MICAL3: variants seen among roughly 807,000 people sequenced by gnomAD.
The protein encoded by MICAL3 is [F-actin]-monooxygenase MICAL3.
MICAL3 carries 62 observed loss-of-function variants against 207.4 expected under a neutral mutation model. The ratio of observed to expected loss-of-function variants is 0.30; its 90% CI spans 0.24 to 0.37. The LOEUF (loss-of-function observed/expected upper bound fraction) is 0.37, where lower values mean the gene tolerates loss of function less well. Ranked by LOEUF, MICAL3 falls within the 10% of genes least tolerant of loss-of-function variation. The probability of loss-of-function intolerance (pLI) is 1.00; values close to 1 mark genes in which losing one functional copy is unlikely to be tolerated. For synonymous variants in MICAL3, 1,077 were observed against 1,069.3 expected, an observed-to-expected ratio of 1.01 and a Z score of -0.14; for missense variants, 2,368 against 2,635.6, an observed-to-expected ratio of 0.90 and a Z score of 2.22.
intron 1 of MICAL3, among the ~76,000 whole-genome samples, chr22:17,963,258 A>G (rs13057203): frequency 0.2 from 30,372 of 151,896 alleles, 3,190 homozygotes; most frequent in Middle Eastern, 0.27. Flanking sequence ...GACTACAGGC[A>G]TGTGTCATCA....
intron 19 of MICAL3, among the ~76,000 whole-genome samples, chr22:17,856,267 T>C (rs1019982013): frequency 6.6e-6 from 1 of 152,186 alleles, no homozygotes; most frequent in African/African-American, 2.4e-5. Context: ...CAATTTTTAT[T>C]TGGGGAAAGT....
rs978245578 is a variant in MICAL3, at chr22:17,823,145, T to C, written c.3194-85A>G. On this transcript the variant is annotated intron_variant, in intron 22 of 31. Transcript: ENST00000441493. The stretch of plus-strand genomic sequence containing the variant: ...CTTCACGGGGGCGAGAGGTACTGCC[T>C]TTCTCAGGGCGCTGCCATGCAGGCC... 1.1e-5 allele frequency: 10 copies of C among 897,492 alleles called. No homozygotes were observed. In the African/African-American group the frequency reaches 1.5e-4, roughly 13 times the overall value. The allele number at this position is 897,492 out of a possible 1,614,324, so 55.6% of individuals were successfully genotyped here.
chr22:17,847,132 TC>T (rs1277603473), intron 19 of MICAL3, among the ~76,000 whole-genome samples: 4 of 152,112 alleles, frequency 2.6e-5, no homozygotes, highest in African/African-American at 9.7e-5. Flanking sequence ...CAGCTCCTCT[TC>T]CTCCTCCCTG....
chr22:17,956,727 G>A (rs964232886), intron 1 of MICAL3, among the ~76,000 whole-genome samples: 1 of 152,212 alleles, frequency 6.6e-6, no homozygotes, highest in Non-Finnish European at 1.5e-5. Context: ...CAGCCAGCCT[G>A]TGTCTGGAGG....
chr22:17,856,910 C>T (rs953257223), intron 19 of MICAL3, among the ~76,000 whole-genome samples: 2 of 152,096 alleles, frequency 1.3e-5, no homozygotes, highest in Non-Finnish European at 2.9e-5. Context: ...CGTGAGCCAC[C>T]GCGCCCGGCC....
At chr22:17,928,564 T>C (rs1457861107) in intron 1 of MICAL3, among the ~76,000 whole-genome samples, 6 of 152,188 alleles carry the variant, frequency 3.9e-5, no homozygotes, top group Admixed American at 3.3e-4. Flanking sequence ...GTGATTCACA[T>C]GTGCAAGGAG....
chr22:17,998,518 T>C (rs1922560111), intron 1 of MICAL3, among the ~76,000 whole-genome samples: 1 of 151,168 alleles, frequency 6.6e-6, no homozygotes, highest in East Asian at 1.9e-4. Context: ...AGCAACTAAG[T>C]AGTAAATCCA....
At chr22:17,976,589 A>ATATATATT (rs1231976773) in intron 1 of MICAL3, among the ~76,000 whole-genome samples, 24 of 67,124 alleles carry the variant, frequency 3.6e-4, no homozygotes, top group Non-Finnish European at 2.2e-4. Flanking sequence ...ATATATATAT[A>ATATATATT]TTTTTTTTTT....
At chr22:17,861,993 A>G in intron 19 of MICAL3, 1 of 985,386 alleles carries the variant, frequency 1.0e-6, no homozygotes, top group Non-Finnish European at 1.2e-6. Context: ...CATAAAGGAG[A>G]AGAGAGAAAT....
intron 29 of MICAL3, among the ~76,000 whole-genome samples, chr22:17,798,673 C>CTTTTT (rs375673869): frequency 1.1e-4 from 14 of 130,666 alleles, no homozygotes; most frequent in African/African-American, 4.0e-4. Flanking sequence ...GGAGCAATGC[C>CTTTTT]TTTTTTTTTT....
intron 19 of MICAL3, chr22:17,864,316 G>C: frequency 8.6e-7 from 1 of 1,167,772 alleles, no homozygotes; most frequent in South Asian, 2.5e-5. Flanking sequence ...GTCAGGACAG[G>C]GCATGTCCCA....
intron 22 of MICAL3, 116 bp from the exon 23 acceptor site, chr22:17,823,176 A>G (rs577460722): frequency 1.1e-5 from 8 of 708,520 alleles, no homozygotes; most frequent in Non-Finnish European, 1.9e-5. Context: ...AGGCCCCAGG[A>G]GAGGGGAGAT....
intron 20 of MICAL3, among the ~76,000 whole-genome samples, chr22:17,836,780 G>T (rs1346483059): frequency 6.6e-6 from 1 of 152,040 alleles, no homozygotes; most frequent in Non-Finnish European, 1.5e-5. Context: ...GAGCAGCTGG[G>T]ACTACTCGGC....
chr22:17,993,985 G>A (rs1299019953), intron 1 of MICAL3, among the ~76,000 whole-genome samples: 1 of 152,192 alleles, frequency 6.6e-6, no homozygotes, highest in East Asian at 1.9e-4. Flanking sequence ...ACTTCCTAGT[G>A]TGAAAAGCAG....
At position 17,881,299 on chromosome 22, in the gene MICAL3, C is replaced by T. The variant is rs199779149; in HGVS notation, c.2241+4579G>A. 1,434 of 1,605,138 alleles carry T rather than the reference C, an allele frequency of 8.9e-4. 3 individuals carry two copies. Among genetic ancestry groups the T allele is most frequent in the Middle Eastern group, 1.3e-3 (8 of 6,024 alleles). On this transcript the variant is annotated intron_variant, in intron 16 of 31. Transcript: ENST00000441493. ...GCAGGTCCGAGAACACTCCTTTTCC[C>T]GTTGCTTTTACACCAACAGACACAA...
intron 1 of MICAL3, among the ~76,000 whole-genome samples, chr22:17,995,080 A>G (rs895178852): frequency 5.3e-5 from 8 of 152,136 alleles, no homozygotes; most frequent in African/African-American, 1.9e-4. Context: ...CAAGGTCCTC[A>G]CTACTTAGCA....
At chr22:17,970,942 G>A (rs747232192) in intron 1 of MICAL3, among the ~76,000 whole-genome samples, 16 of 152,182 alleles carry the variant, frequency 1.1e-4, no homozygotes, top group Non-Finnish European at 1.8e-4. Context: ...AGCATTTTGG[G>A]AGGTCGAAGT....
chr22:17,860,085 G>T, intron 19 of MICAL3: 2 of 731,200 alleles, frequency 2.7e-6, no homozygotes, highest in South Asian at 1.2e-4. Flanking sequence ...TCACTCCCAA[G>T]ACCTGCCTGA....
intron 19 of MICAL3, among the ~76,000 whole-genome samples, chr22:17,854,645 G>A (rs142667930): frequency 4.5e-4 from 68 of 152,300 alleles, no homozygotes; most frequent in Non-Finnish European, 9.0e-4. Flanking sequence ...TGCATGAGCC[G>A]CCTGAACTTT....
Sources: allele counts gnomAD v4.1 joint callset (sites outside exome capture counted in the v4.1 genomes callset), GRCh38; gene constraint gnomAD v4.1.1; transcripts MANE v1.5; gene names NCBI Gene and HGNC (gene_info 2026-07-23, HGNC 2026-07-21).